Variants in FRMD4B observed in about 807,000 individuals in gnomAD.
FRMD4B encodes the protein FERM domain-containing protein 4B.
A neutral mutation model predicts 141.5 loss-of-function variants in FRMD4B; 74 were observed. That is an observed-to-expected ratio of 0.52 (90% CI 0.43 to 0.63). The LOEUF is 0.63. Among genes scored for constraint, FRMD4B ranks in the 30% least tolerant of loss-of-function variants. The probability of loss-of-function intolerance (pLI) is 0.00; values close to 1 mark genes in which losing one functional copy is unlikely to be tolerated. For missense variants in FRMD4B, 1,366 were observed against 1,253.4 expected, an observed-to-expected ratio of 1.09 and a Z score of -1.36; for synonymous variants, 506 against 467.9, an observed-to-expected ratio of 1.08 and a Z score of -1.05.
chr3:69,234,572 A>G (rs1004725895), intron 7 of FRMD4B, among the ~76,000 whole-genome samples: 82 of 152,180 alleles, frequency 5.4e-4, no homozygotes, highest in African/African-American at 1.9e-3. Flanking sequence ...AATTCAGTGT[A>G]TTATCTGCTG....
intron 17 of FRMD4B, among the ~76,000 whole-genome samples, chr3:69,191,718 G>A (rs1477304521): frequency 1.3e-5 from 2 of 152,180 alleles, no homozygotes; most frequent in Non-Finnish European, 2.9e-5. Flanking sequence ...TCACTGTAAA[G>A]GAGAACATTT....
In FRMD4B at chr3:69,338,318, A is replaced by AG. The variant is rs1253881256; in HGVS notation, c.163-24802dup. Among the ~76,000 whole-genome samples, 12 of 150,908 alleles carry AG rather than the reference A, an allele frequency of 8.0e-5. No individual in the cohort carries two copies. In the East Asian group the frequency reaches 2.3e-3, roughly 29 times the overall value. On this transcript the variant is annotated intron_variant, in intron 1 of 22. Coordinates refer to ENST00000398540, the MANE Select transcript of FRMD4B (RefSeq NM_015123.3). ...TCTGGGGACTGTTGTGAGTGGGGAG[A>AG]GGGGGGAGGGATAGCATTAGGAGAT...
intron 1 of FRMD4B, among the ~76,000 whole-genome samples, chr3:69,342,120 T>C (rs988140139): frequency 6.6e-6 from 1 of 152,178 alleles, no homozygotes; most frequent in Non-Finnish European, 1.5e-5. Flanking sequence ...AGGCAAAATG[T>C]GTTAATGAGA....
intron 1 of FRMD4B, among the ~76,000 whole-genome samples, chr3:69,364,873 TAA>T (rs202210480): frequency 2.0e-5 from 3 of 151,878 alleles, no homozygotes; most frequent in African/African-American, 4.8e-5. Context: ...CTTGTTTTTT[TAA>T]AAAAATAAAT....
chr3:69,392,651 G>A (rs1199643751), intron 2 of FRMD4B, among the ~76,000 whole-genome samples: 3 of 152,072 alleles, frequency 2.0e-5, no homozygotes, highest in Admixed American at 6.5e-5. Context: ...CGGGAACCAT[G>A]GGGCCTTCAC....
chr3:69,304,272 TCAG>T (rs1701315658), intron 3 of FRMD4B, among the ~76,000 whole-genome samples: 1 of 150,416 alleles, frequency 6.6e-6, no homozygotes, highest in Non-Finnish European at 1.5e-5. Context: ...TCCCTTGAGG[TCAG>T]GAGTTTAAGA....
chr3:69,212,381 G>GAAAAAAAAAAAAAAAAAAAAAAAAAA (rs61444871), intron 11 of FRMD4B, among the ~76,000 whole-genome samples: 1 of 95,598 alleles, frequency 1.0e-5, no homozygotes, highest in African/African-American at 4.0e-5. Flanking sequence ...AAAAAAAAAA[G>GAAAAAAAAAAAAAAAAAAAAAAAAAA]AAAAAAAAAA....
At chr3:69,481,663 TA>T (rs1706127262) in intron 1 of FRMD4B, among the ~76,000 whole-genome samples, 1 of 152,160 alleles carries the variant, frequency 6.6e-6, no homozygotes, top group Admixed American at 6.5e-5. Context: ...TGACTTTTCC[TA>T]TAAGGAGGAA....
At chr3:69,306,084 C>A (rs1420909428) in intron 3 of FRMD4B, among the ~76,000 whole-genome samples, 2 of 152,104 alleles carry the variant, frequency 1.3e-5, no homozygotes, top group Non-Finnish European at 2.9e-5. Flanking sequence ...GGATAAATTA[C>A]AAATTAGATT....
At chr3:69,179,761 T>C (rs1320236597) in intron 21 of FRMD4B, among the ~76,000 whole-genome samples, 1 of 152,202 alleles carries the variant, frequency 6.6e-6, no homozygotes, top group East Asian at 1.9e-4. Context: ...AATTCATTCA[T>C]TTCTTAGCGT....
chr3:69,259,030 C>T (rs78615628), intron 5 of FRMD4B, among the ~76,000 whole-genome samples: 2 of 152,124 alleles, frequency 1.3e-5, no homozygotes, highest in African/African-American at 4.8e-5. Flanking sequence ...TTATTGTACA[C>T]CTTATTTCTA....
At chr3:69,398,895 C>T (rs538281286) in intron 2 of FRMD4B, among the ~76,000 whole-genome samples, 37 of 152,184 alleles carry the variant, frequency 2.4e-4, no homozygotes, top group African/African-American at 8.7e-4. Context: ...CAAACATATA[C>T]TGCATACTGT....
At chr3:69,316,984 G>A (rs1344281251) in intron 1 of FRMD4B, among the ~76,000 whole-genome samples, 4 of 152,118 alleles carry the variant, frequency 2.6e-5, no homozygotes, top group South Asian at 2.1e-4. Context: ...TTAGCCAGGC[G>A]TGGTGGCAGT....
intron 11 of FRMD4B, among the ~76,000 whole-genome samples, chr3:69,210,407 C>T (rs1042747606): frequency 6.6e-6 from 1 of 150,530 alleles, no homozygotes; most frequent in East Asian, 1.9e-4. Context: ...TTAGAAGGAA[C>T]ACAAGGCTGC....
intron 1 of FRMD4B, among the ~76,000 whole-genome samples, chr3:69,476,542 T>C (rs903425424): frequency 1.3e-5 from 2 of 152,198 alleles, no homozygotes; most frequent in Non-Finnish European, 2.9e-5. Context: ...CTGAGGGCTC[T>C]GTTCTGTTCC....
rs183778724 is a variant in FRMD4B at position 69,434,128 on chromosome 3, G to T, written c.-128-1367C>A. 1.4e-3 allele frequency among the ~76,000 whole-genome samples: 215 copies of T among 152,302 alleles called. 1 individual carries two copies. Among genetic ancestry groups the T allele is most frequent in the Admixed American group, 3.3e-3 (50 of 15,302 alleles). ...TGTAAACAATGATATACCAAGCAGT[G>T]TCTAATGTCACGTGCAAAGAACTAG... On this transcript the variant is annotated intron_variant, in intron 1 of 5. Transcript: ENST00000459638.
chr3:69,524,297 G>A (rs1366977777), intron 1 of FRMD4B, among the ~76,000 whole-genome samples: 2 of 152,168 alleles, frequency 1.3e-5, no homozygotes, highest in Non-Finnish European at 2.9e-5. Context: ...ATTAAATGTG[G>A]AAATGTATCA....
Position 69,512,582 on chromosome 3 carries a change from T to C in FRMD4B, c.-129+29624A>G, listed in dbSNP as rs189686161. ...CCATGATGATGGGTGAGCTCTGCCATTTTTCAAACATGGCTTCCAACGTGG... is the reference window on the plus strand; with the variant it reads ...CCATGATGATGGGTGAGCTCTGCCACTTTTCAAACATGGCTTCCAACGTGG... On this transcript the variant is annotated intron_variant, in intron 1 of 5. Coordinates refer to the FRMD4B transcript ENST00000459638. 1.7e-3 allele frequency among the ~76,000 whole-genome samples: 252 copies of C among 152,314 alleles called. 1 individual carries two copies. The highest frequency in any genetic ancestry group is 5.8e-3 in the African/African-American group (241 of 41,572).
intron 7 of FRMD4B, among the ~76,000 whole-genome samples, chr3:69,244,829 G>A (rs1033805772): frequency 2.6e-5 from 4 of 152,174 alleles, no homozygotes; most frequent in African/African-American, 7.2e-5. Flanking sequence ...AGGAGGTGGA[G>A]GTTGCAATGA....
Sources: allele counts gnomAD v4.1 joint callset (sites outside exome capture counted in the v4.1 genomes callset), GRCh38; gene constraint gnomAD v4.1.1; transcripts MANE v1.5; gene names NCBI Gene and HGNC (gene_info 2026-07-23, HGNC 2026-07-21).